Variants in FHIT observed in about 807,000 individuals in gnomAD.
FHIT encodes fragile histidine triad diadenosine triphosphatase.
A neutral mutation model predicts 17.9 loss-of-function variants in FHIT; 19 were observed. The observed-to-expected ratio is 1.06, with a 90% confidence interval of 0.74 to 1.56. The LOEUF is 1.56. FHIT is among the 40% of genes most tolerant of loss of function. The pLI is 0.00. For synonymous variants in FHIT, 81 were observed against 69.7 expected, an observed-to-expected ratio of 1.16 and a Z score of -0.81; for missense variants, 248 against 189.2, an observed-to-expected ratio of 1.31 and a Z score of -1.82.
chr3:60,572,816 G>A lies in FHIT; in HGVS notation c.-17-35837C>T, dbSNP rs146997220. On this transcript the variant is annotated intron_variant, in intron 4 of 9. Transcript: ENST00000492590. ...AATGTTGGCTGGGGAGATGGAAAAA[G>A]GAAAGAGGTAATGGGAGCAGACCTG... Among the ~76,000 whole-genome samples the A allele has an allele frequency of 4.5e-3, 692 of 152,276 alleles. 3 individuals are homozygous for A. Among genetic ancestry groups the A allele is most frequent in the African/African-American group, 0.016 (671 of 41,566 alleles).
At chr3:61,142,643 T>C (rs2037119663) in intron 2 of FHIT, among the ~76,000 whole-genome samples, 1 of 152,090 alleles carries the variant, frequency 6.6e-6, no homozygotes, top group Non-Finnish European at 1.5e-5. Context: ...AAAAATGACA[T>C]AGAAAAAGAA....
At chr3:60,553,815 G>C (rs1032043802) in intron 4 of FHIT, among the ~76,000 whole-genome samples, 1 of 152,120 alleles carries the variant, frequency 6.6e-6, no homozygotes, top group African/African-American at 2.4e-5. Context: ...GCCAAGCACA[G>C]TGGCTCACAC....
intron 5 of FHIT, among the ~76,000 whole-genome samples, chr3:60,356,556 T>A (rs1217729608): frequency 2.0e-5 from 3 of 152,058 alleles, no homozygotes; most frequent in Non-Finnish European, 4.4e-5. Context: ...AAGTACTCCA[T>A]CAGCTTAATG....
intron 7 of FHIT, among the ~76,000 whole-genome samples, chr3:59,929,377 T>TG (rs1288527559): frequency 3.6e-5 from 5 of 138,482 alleles, no homozygotes; most frequent in African/African-American, 1.4e-4. Flanking sequence ...TTTTTTTTTT[T>TG]TTTTTTTTTT....
chr3:61,151,915 T>C (rs2037405568), intron 2 of FHIT, among the ~76,000 whole-genome samples: 1 of 152,178 alleles, frequency 6.6e-6, no homozygotes, highest in Non-Finnish European at 1.5e-5. Context: ...ATTTCACTCA[T>C]ATCAAGTAGA....
chr3:60,982,952 T>C (rs1559885974), intron 3 of FHIT, among the ~76,000 whole-genome samples: 1 of 152,132 alleles, frequency 6.6e-6, no homozygotes, highest in East Asian at 1.9e-4. Context: ...CCTCTTTCTG[T>C]GGAGGTCAGA....
chr3:60,177,731 T>C (rs143599576), intron 5 of FHIT, among the ~76,000 whole-genome samples: 2 of 152,366 alleles, frequency 1.3e-5, no homozygotes, highest in Admixed American at 6.5e-5. Context: ...AACCTAGTGA[T>C]ATGATCATCT....
At chr3:60,939,499 G>T (rs1184750906) in intron 3 of FHIT, among the ~76,000 whole-genome samples, 2 of 151,966 alleles carry the variant, frequency 1.3e-5, no homozygotes, top group Non-Finnish European at 1.5e-5. Context: ...TTCAACAATA[G>T]GACACAGACT....
At chr3:60,627,585 G>A (rs997512168) in intron 4 of FHIT, among the ~76,000 whole-genome samples, 8 of 152,028 alleles carry the variant, frequency 5.3e-5, no homozygotes, top group African/African-American at 1.4e-4. Context: ...GTGCAGTGGC[G>A]GGATCTAGGC....
intron 2 of FHIT, among the ~76,000 whole-genome samples, chr3:61,115,848 A>G (rs759953582): frequency 2.0e-5 from 3 of 152,182 alleles, no homozygotes; most frequent in Non-Finnish European, 4.4e-5. Context: ...CGCTGTTCAT[A>G]TGAGAGATGC....
chr3:60,256,917 T>G (rs1228423745), intron 5 of FHIT, among the ~76,000 whole-genome samples: 1 of 152,232 alleles, frequency 6.6e-6, no homozygotes, highest in African/African-American at 2.4e-5. Context: ...TGTCTAGGTC[T>G]GTTCAGTGTC....
intron 5 of FHIT, among the ~76,000 whole-genome samples, chr3:60,287,459 A>G (rs1178525756): frequency 6.6e-6 from 1 of 152,168 alleles, no homozygotes; most frequent in East Asian, 1.9e-4. Context: ...ATGAGCCACC[A>G]CACCCAGCCA....
At chr3:60,627,561 A>G (rs887954523) in intron 4 of FHIT, among the ~76,000 whole-genome samples, 1 of 152,052 alleles carries the variant, frequency 6.6e-6, no homozygotes, top group Non-Finnish European at 1.5e-5. Flanking sequence ...GCTGGAGTGC[A>G]GTGACAGGCT....
chr3:60,722,759 CTGGAATGCAG>C lies in FHIT; in HGVS notation c.-18+99150_-18+99159del, dbSNP rs1213320750. On this transcript the variant is annotated intron_variant, in intron 4 of 9. Transcript: ENST00000492590. ...ATGGAGTCTTGCTCTGTTGACCAGG[CTGGAATGCAG>C]TGGAATGCAGTGGCGCGATCTCGGC... Among the ~76,000 whole-genome samples the C allele has an allele frequency of 6.6e-5, 9 of 135,486 alleles. No homozygotes were observed. The Admixed American group carries it at 7.4e-4, about 11-fold the overall frequency. 88.9% of individuals were successfully genotyped at this position (135,486 alleles called of 152,430 possible). A position where few individuals can be genotyped will look rare whatever the true frequency, so the allele number is the denominator to read the frequency against.
intron 5 of FHIT, among the ~76,000 whole-genome samples, chr3:60,431,514 T>C (rs1319005714): frequency 6.6e-6 from 1 of 152,076 alleles, no homozygotes; most frequent in Non-Finnish European, 1.5e-5. Flanking sequence ...CTCCCACACA[T>C]ACTTGAAAGG....
intron 7 of FHIT, among the ~76,000 whole-genome samples, chr3:59,987,106 ATC>A (rs1709014742): frequency 1.4e-5 from 2 of 138,676 alleles, no homozygotes; most frequent in Non-Finnish European, 3.1e-5. Flanking sequence ...GATATAAAAA[ATC>A]TATATATTTT....
intron 2 of FHIT, among the ~76,000 whole-genome samples, chr3:61,141,786 G>T (rs1435224532): frequency 2.0e-5 from 3 of 151,558 alleles, no homozygotes; most frequent in Non-Finnish European, 4.4e-5. Context: ...TCTCAGGATT[G>T]TAATGGCAAT....
chr3:60,088,024 T>C (rs1484420043), intron 5 of FHIT, among the ~76,000 whole-genome samples: 1 of 152,206 alleles, frequency 6.6e-6, no homozygotes, highest in African/African-American at 2.4e-5. Context: ...AATATCTGCA[T>C]CTGCTGAGGG....
intron 7 of FHIT, among the ~76,000 whole-genome samples, chr3:59,966,018 C>G (rs976898955): frequency 6.6e-6 from 1 of 152,134 alleles, no homozygotes; most frequent in Middle Eastern, 3.2e-3. Context: ...AACTGATAAA[C>G]TGATTTGAAA....
Sources: allele counts gnomAD v4.1 joint callset (sites outside exome capture counted in the v4.1 genomes callset), GRCh38; gene constraint gnomAD v4.1.1; transcripts MANE v1.5; gene names NCBI Gene and HGNC (gene_info 2026-07-23, HGNC 2026-07-21).